The following FMNL2 variants were observed in gnomAD, a reference collection of about 807,000 sequenced individuals.
FMNL2 encodes formin-like protein 2.
In FMNL2, 51 loss-of-function variants were observed where a neutral mutation model predicts 130.2. That is an observed-to-expected ratio of 0.39 (90% CI 0.31 to 0.49). The LOEUF (loss-of-function observed/expected upper bound fraction) is 0.49. Ranked by LOEUF, FMNL2 falls within the 20% of genes least tolerant of loss-of-function variation. The probability of loss-of-function intolerance (pLI) is 0.85; values close to 1 mark genes in which losing one functional copy is unlikely to be tolerated. For synonymous variants in FMNL2, 465 were observed against 467.1 expected, an observed-to-expected ratio of 1.00 and a Z score of 0.06; for missense variants, 977 against 1,316.2, an observed-to-expected ratio of 0.74 and a Z score of 3.99.
chr2:152,363,788 C>A (rs1359934334), intron 1 of FMNL2, among the ~76,000 whole-genome samples: 3 of 152,180 alleles, frequency 2.0e-5, no homozygotes, highest in Admixed American at 2.0e-4. Context: ...TCTCGAACTC[C>A]TGACCTCAGG....
At chr2:152,607,628 A>G (rs1698446796) in intron 10 of FMNL2, 1 of 431,634 alleles carries the variant, frequency 2.3e-6, no homozygotes, top group African/African-American at 2.0e-5. Flanking sequence ...ACGGTATAGT[A>G]AAGACAAAAG....
At chr2:152,489,704 A>G (rs537633050) in intron 1 of FMNL2, among the ~76,000 whole-genome samples, 4 of 152,326 alleles carry the variant, frequency 2.6e-5, no homozygotes, top group Non-Finnish European at 4.4e-5. Context: ...TGGGACGTAG[A>G]ATGTAAACTT....
At chr2:152,619,441 A>C (rs1699118550) in intron 14 of FMNL2, 68 bp from the exon 15 acceptor site, 1 of 1,545,116 alleles carries the variant, frequency 6.5e-7, no homozygotes, top group Non-Finnish European at 8.7e-7. Flanking sequence ...CTTTATATGC[A>C]CATGGCTTAT....
intron 1 of FMNL2, among the ~76,000 whole-genome samples, chr2:152,414,518 T>C (rs1686497599): frequency 6.6e-6 from 1 of 152,214 alleles, no homozygotes; most frequent in Non-Finnish European, 1.5e-5. Flanking sequence ...ATGGAAGCTT[T>C]CTGGTTTCCC....
Position 152,542,791 on chromosome 2 carries a change from G to C in FMNL2, c.254G>C (p.Gly85Ala), listed in dbSNP as rs766426412. 7 of 1,614,014 alleles carry C rather than the reference G, an allele frequency of 4.3e-6. No individual in the cohort carries two copies. The highest frequency in any genetic ancestry group is 5.1e-6 in the Non-Finnish European group (6 of 1,179,912). The change falls in exon 3 of 26, where the codon GGC becomes GCC. Residue 85 changes from glycine (G) to alanine (A), a missense_variant. By Grantham distance (60) the Gly-to-Ala change is moderately conservative (BLOSUM62 0). Around this residue, in one of 4 missense-constraint regions of FMNL2, gnomAD observed 117 missense variants for 134.9 expected, o/e 0.87. Transcript: ENST00000288670. ...CATACATACATTCAAAAGCTCAAAG[G>C]CTATCTGGATCCAGCTGTAACCAGG... The part of the protein sequence containing the change: ...PPHTYIQKLK[G>A]YLDPAVTRKK...
chr2:152,336,643 G>A (rs1681473548), intron 1 of FMNL2, among the ~76,000 whole-genome samples: 2 of 152,120 alleles, frequency 1.3e-5, no homozygotes, highest in South Asian at 4.1e-4. Flanking sequence ...AGAGGGTGTG[G>A]CGGCTTGCCC....
chr2:152,517,803 A>C (rs904105685), intron 1 of FMNL2, among the ~76,000 whole-genome samples: 1 of 152,190 alleles, frequency 6.6e-6, no homozygotes, highest in African/African-American at 2.4e-5. Flanking sequence ...CTTGGTGATT[A>C]AGTTGTCTCA....
chr2:152,498,545 A>G (rs1442512903), intron 1 of FMNL2, among the ~76,000 whole-genome samples: 1 of 152,146 alleles, frequency 6.6e-6, no homozygotes, highest in Non-Finnish European at 1.5e-5. Flanking sequence ...CCATGAACTC[A>G]GTCAAATTTC....
At chr2:152,529,054 T>G (rs777020932) in intron 2 of FMNL2, among the ~76,000 whole-genome samples, 9 of 152,178 alleles carry the variant, frequency 5.9e-5, no homozygotes, top group Non-Finnish European at 1.2e-4. Context: ...GAGAAGAAAA[T>G]GTTTGTTAAA....
intron 1 of FMNL2, among the ~76,000 whole-genome samples, chr2:152,470,940 T>C (rs991630869): frequency 1.3e-5 from 2 of 152,330 alleles, no homozygotes; most frequent in Non-Finnish European, 2.9e-5. Flanking sequence ...TAATAAAGGC[T>C]ATTAATTTAG....
chr2:152,610,060 A>G (rs1401112117), intron 10 of FMNL2, among the ~76,000 whole-genome samples: 1 of 152,178 alleles, frequency 6.6e-6, no homozygotes, highest in African/African-American at 2.4e-5. Context: ...AAAGCAGTAA[A>G]TCCCAGGCTT....
At chr2:152,371,416 A>G (rs1339624278) in intron 1 of FMNL2, among the ~76,000 whole-genome samples, 2 of 152,068 alleles carry the variant, frequency 1.3e-5, no homozygotes, top group Non-Finnish European at 2.9e-5. Flanking sequence ...CATGCCTGTA[A>G]TCCCAGTACT....
At chr2:152,461,159 C>A (rs1689219708) in intron 1 of FMNL2, among the ~76,000 whole-genome samples, 1 of 151,998 alleles carries the variant, frequency 6.6e-6, no homozygotes, top group South Asian at 2.1e-4. Flanking sequence ...AATATGTGAA[C>A]CATATGATGA....
At chr2:152,363,567 T>C (rs1273626701) in intron 1 of FMNL2, among the ~76,000 whole-genome samples, 8 of 152,018 alleles carry the variant, frequency 5.3e-5, no homozygotes, top group African/African-American at 9.7e-5. Context: ...CTTTTCTTTT[T>C]TTTTTCCCCC....
intron 1 of FMNL2, among the ~76,000 whole-genome samples, chr2:152,368,050 T>TA (rs1560304301): frequency 6.6e-6 from 1 of 152,138 alleles, no homozygotes; most frequent in Non-Finnish European, 1.5e-5. Flanking sequence ...ATCTGAGACT[T>TA]ACTGGACTAG....
At chr2:152,422,624 C>T (rs1190839029) in intron 1 of FMNL2, among the ~76,000 whole-genome samples, 1 of 152,092 alleles carries the variant, frequency 6.6e-6, no homozygotes, top group East Asian at 1.9e-4. Context: ...TCCGGGCTCA[C>T]CTCAAGCCAT....
At chr2:152,591,024 T>TTTTTTTTTTG (rs1558989613) in intron 9 of FMNL2, among the ~76,000 whole-genome samples, 12 of 94,946 alleles carry the variant, frequency 1.3e-4, no homozygotes, top group East Asian at 4.0e-4. Context: ...TTTTTTTTTT[T>TTTTTTTTTTG]GAGACAGCAT....
At position 152,389,867 on chromosome 2, in the gene FMNL2, A is replaced by C; in HGVS notation, c.117+54147A>C. 4 of 1,049,342 alleles carry C rather than the reference A, an allele frequency of 3.8e-6. No individual in the cohort carries two copies. The East Asian group carries it at 9.8e-5, about 26-fold the overall frequency. The allele number at this position is 1,049,342 out of a possible 1,614,324, so 65.0% of individuals were successfully genotyped here. A position where few individuals can be genotyped will look rare whatever the true frequency, so the allele number is the denominator to read the frequency against. Reference sequence around the variant, plus strand: ...ATACAGACTTTCAGCCACGACAATCAGCTGGCACAGAAGGCCCGGTGGGAG... The same window carrying C: ...ATACAGACTTTCAGCCACGACAATCCGCTGGCACAGAAGGCCCGGTGGGAG... On this transcript the variant is annotated intron_variant, in intron 1 of 25. Transcript: ENST00000288670.
intron 1 of FMNL2, among the ~76,000 whole-genome samples, chr2:152,510,972 G>T (rs1692469892): frequency 6.6e-6 from 1 of 152,180 alleles, no homozygotes; most frequent in African/African-American, 2.4e-5. Context: ...TTCATGAGTT[G>T]ATAGTTTTAT....
Sources: allele counts gnomAD v4.1 joint callset (sites outside exome capture counted in the v4.1 genomes callset), GRCh38; gene constraint gnomAD v4.1.1; regional missense constraint gnomAD v4.1.1; transcripts MANE v1.5; gene names NCBI Gene and HGNC (gene_info 2026-07-23, HGNC 2026-07-21).